Variants in NEK10 observed in about 807,000 individuals in gnomAD.
NEK10 encodes NIMA related kinase 10, also known as serine/threonine-protein kinase Nek10.
In NEK10, 122 loss-of-function variants were observed where a neutral mutation model predicts 159.8. The ratio of observed to expected loss-of-function variants is 0.76; its 90% CI spans 0.66 to 0.89. NEK10 has a LOEUF of 0.89. Ranked by LOEUF, NEK10 falls within the 40% of genes least tolerant of loss-of-function variation. The probability of loss-of-function intolerance (pLI) is 0.00; values close to 1 mark genes in which losing one functional copy is unlikely to be tolerated. For synonymous variants in NEK10, 466 were observed against 457.1 expected (o/e 1.02, Z -0.25); for missense variants, 1,342 against 1,323.1 (o/e 1.01, Z -0.22).
intron 22 of NEK10, among the ~76,000 whole-genome samples, chr3:27,284,340 C>A (rs531067810): frequency 1.3e-5 from 2 of 152,224 alleles, no homozygotes; most frequent in East Asian, 3.9e-4. Context: ...GAGCTGAGAT[C>A]GTACCACTGC....
chr3:27,337,928 G>T (rs1204279193), intron 5 of NEK10, among the ~76,000 whole-genome samples: 2 of 151,986 alleles, frequency 1.3e-5, no homozygotes, highest in Admixed American at 6.6e-5. Flanking sequence ...GGTTTTGATT[G>T]CTAGTTTTTA....
intron 26 of NEK10, among the ~76,000 whole-genome samples, chr3:27,178,413 T>C (rs1947742858): frequency 6.6e-6 from 1 of 152,212 alleles, no homozygotes; most frequent in South Asian, 2.1e-4. Context: ...TGCTTTACTT[T>C]AGAACTCTAA....
At chr3:27,361,080 C>G (rs1192567271) in intron 1 of NEK10, among the ~76,000 whole-genome samples, 1 of 152,164 alleles carries the variant, frequency 6.6e-6, no homozygotes, top group African/African-American at 2.4e-5. Flanking sequence ...AATACTGGCC[C>G]ATGTTGGTCT....
At chr3:27,139,509 C>T (rs1275280227) in intron 31 of NEK10, among the ~76,000 whole-genome samples, 11 of 152,142 alleles carry the variant, frequency 7.2e-5, no homozygotes, top group Admixed American at 7.2e-4. Flanking sequence ...TATTACATTT[C>T]AGCAGCAACC....
At chr3:27,265,892 C>T (rs1272862918) in intron 22 of NEK10, among the ~76,000 whole-genome samples, 9 of 151,192 alleles carry the variant, frequency 6.0e-5, no homozygotes, top group South Asian at 4.2e-4. Context: ...CTGCAAGCTC[C>T]GCCTCCTGGG....
At chr3:27,259,668 G>A (rs1289309727) in intron 22 of NEK10, among the ~76,000 whole-genome samples, 1 of 152,130 alleles carries the variant, frequency 6.6e-6, no homozygotes, top group Non-Finnish European at 1.5e-5. Flanking sequence ...CTCCAGCTTT[G>A]TTCTTTTGGC....
intron 29 of NEK10, among the ~76,000 whole-genome samples, chr3:27,163,327 GT>G (rs959163921): frequency 1.3e-5 from 2 of 150,934 alleles, no homozygotes; most frequent in African/African-American, 4.9e-5. Context: ...CTTCAGCCTT[GT>G]TTTTTCCACT....
At chr3:27,340,791 C>T (rs910280566) in intron 5 of NEK10, among the ~76,000 whole-genome samples, 3 of 152,010 alleles carry the variant, frequency 2.0e-5, no homozygotes, top group Admixed American at 1.3e-4. Flanking sequence ...AACCTTATGA[C>T]GATTTCTCAA....
intron 5 of NEK10, among the ~76,000 whole-genome samples, chr3:27,341,653 T>C (rs1342934976): frequency 6.6e-6 from 1 of 152,200 alleles, no homozygotes; most frequent in Non-Finnish European, 1.5e-5. Context: ...ACAAGTCTTT[T>C]CCAGTTTCAG....
chr3:27,155,731 A>G (rs1359332336), intron 30 of NEK10, among the ~76,000 whole-genome samples: 1 of 151,994 alleles, frequency 6.6e-6, no homozygotes, highest in Non-Finnish European at 1.5e-5. Context: ...ACAGTCTACA[A>G]ATTCAATGCA....
chr3:27,327,704 C>T (rs2046106050), intron 5 of NEK10, among the ~76,000 whole-genome samples: 1 of 152,172 alleles, frequency 6.6e-6, no homozygotes, highest in Admixed American at 6.5e-5. Context: ...GCAGAAGTGA[C>T]AATGTTGACT....
chr3:27,162,561 G>C (rs17854381), intron 30 of NEK10, 140 bp downstream of exon 30: 3 of 1,613,962 alleles, frequency 1.9e-6, no homozygotes, highest in Non-Finnish European at 2.5e-6. Context: ...CCCTGAGCAT[G>C]TGGGGTGGCA....
Position 27,304,182 on chromosome 3 carries a change from T to C in NEK10, c.1028+565A>G, listed in dbSNP as rs564152697. Among the ~76,000 whole-genome samples, 7 of 152,224 alleles carry C rather than the reference T, an allele frequency of 4.6e-5. 1 individual carries two copies. In the South Asian group the frequency reaches 1.5e-3, roughly 32 times the overall value. On this transcript the variant is annotated intron_variant, in intron 12 of 35. Coordinates refer to ENST00000691995, the MANE Select transcript of NEK10 (RefSeq NM_001394966.1). ...TAATGCCCACCTTAGAGGACCGTAA[T>C]GAAGATTAGAGAGAAAAGTAGAGAA...
intron 1 of NEK10, among the ~76,000 whole-genome samples, chr3:27,367,221 T>C (rs2049162568): frequency 1.3e-5 from 2 of 152,230 alleles, no homozygotes; most frequent in South Asian, 2.1e-4. Flanking sequence ...GGTGCTATTA[T>C]ACCCCCATTG....
chr3:27,111,637 T>C (rs1480358275), intron 35 of NEK10, among the ~76,000 whole-genome samples: 1 of 151,838 alleles, frequency 6.6e-6, no homozygotes, highest in Non-Finnish European at 1.5e-5. Flanking sequence ...CGCTTATCAG[T>C]CAATTGGGGA....
chr3:27,138,840 C>T (rs370281344), intron 31 of NEK10, among the ~76,000 whole-genome samples: 1 of 152,210 alleles, frequency 6.6e-6, no homozygotes, highest in Admixed American at 6.5e-5. Context: ...GAAGTGCCAA[C>T]TGAAGCAGGT....
At chr3:27,201,873 G>C (rs2149037925) in intron 24 of NEK10, among the ~76,000 whole-genome samples, 1 of 152,240 alleles carries the variant, frequency 6.6e-6, no homozygotes, top group Non-Finnish European at 1.5e-5. Flanking sequence ...AAAAATAAAA[G>C]ACCAGCTGGG....
intron 23 of NEK10, among the ~76,000 whole-genome samples, chr3:27,254,216 T>A (rs1037835936): frequency 6.6e-6 from 1 of 152,168 alleles, no homozygotes; most frequent in Non-Finnish European, 1.5e-5. Context: ...CCATCAGCTA[T>A]CTTTAGTGTC....
At chr3:27,235,560 G>A (rs1953816110) in intron 23 of NEK10, among the ~76,000 whole-genome samples, 1 of 152,142 alleles carries the variant, frequency 6.6e-6, no homozygotes, top group Non-Finnish European at 1.5e-5. Context: ...ACCCCAATGA[G>A]ATGTCATCTC....
Sources: allele counts gnomAD v4.1 joint callset (sites outside exome capture counted in the v4.1 genomes callset), GRCh38; gene constraint gnomAD v4.1.1; transcripts MANE v1.5; gene names NCBI Gene and HGNC (gene_info 2026-07-23, HGNC 2026-07-21).